PODN: variants seen among roughly 807,000 people sequenced by gnomAD.
PODN encodes the protein podocan, also known as podocan proteoglycan.
In PODN, 40 loss-of-function variants were observed where a neutral mutation model predicts 52.7. The observed-to-expected ratio is 0.76, with a 90% confidence interval of 0.59 to 0.99. The LOEUF is 0.99. Ranked by LOEUF, PODN falls within the 50% of genes least tolerant of loss-of-function variation. PODN has a pLI of 0.00. For missense variants in PODN, 720 were observed against 815.1 expected (o/e 0.88, Z 1.42); for synonymous variants, 396 against 377.9 (o/e 1.05, Z -0.56).
chr1:53,077,805 G>A lies in PODN; in HGVS notation c.854+5G>A, dbSNP rs752330868. 4 of 1,612,160 alleles carry A rather than the reference G, an allele frequency of 2.5e-6. No individual in the cohort carries two copies. Among genetic ancestry groups the A allele is most frequent in the Non-Finnish European group, 2.5e-6 (3 of 1,179,192 alleles). On this transcript the variant is annotated splice_donor_5th_base_variant and intron_variant, in intron 7 of 10. Coordinates refer to ENST00000312553, the MANE Select transcript of PODN (RefSeq NM_153703.5). The stretch of plus-strand genomic sequence containing the variant: ...CCTGGACAACGAGACCTTCTGGTGA[G>A]TCCTTGTCTCACCAGGTCCTTGGCG...
chr1:53,070,221 T>C, intron 2 of PODN, 54 bp downstream of exon 2: 1 of 1,588,864 alleles, frequency 6.3e-7, no homozygotes, highest in Admixed American at 1.8e-5. Flanking sequence ...CACCCTTGGT[T>C]CCCATCCCAG....
At chr1:53,065,172 G>A (rs915016139) in intron 1 of PODN, among the ~76,000 whole-genome samples, 1 of 152,188 alleles carries the variant, frequency 6.6e-6, no homozygotes, top group African/African-American at 2.4e-5. Flanking sequence ...GGGCAACATA[G>A]TGAGACCCCA....
At chr1:53,068,469 C>T (rs1035839887) in intron 1 of PODN, among the ~76,000 whole-genome samples, 2 of 152,220 alleles carry the variant, frequency 1.3e-5, no homozygotes, top group African/African-American at 4.8e-5. Context: ...CCCTGCTGCT[C>T]ACTTAGTGCA....
chr1:53,082,600 G>T (rs1404680882), intron 10 of PODN, among the ~76,000 whole-genome samples: 1 of 152,206 alleles, frequency 6.6e-6, no homozygotes, highest in Non-Finnish European at 1.5e-5. Flanking sequence ...AGTTAGGAAA[G>T]GAGGTAGGAA....
intron 2 of PODN, among the ~76,000 whole-genome samples, chr1:53,070,755 G>A (rs1315813266): frequency 6.6e-6 from 1 of 152,266 alleles, no homozygotes. Flanking sequence ...CCTGGTGCGG[G>A]AGAGTGACTT....
At chr1:53,077,581 CCTTCCTGGTGG>C in intron 6 of PODN, 93 bp from the exon 7 acceptor site, 1 of 1,241,162 alleles carries the variant, frequency 8.1e-7, no homozygotes, top group South Asian at 1.4e-5. Flanking sequence ...GGTCTGGGTG[CCTTCCTGGTGG>C]CTTCCCAGAC....
chr1:53,080,642 T>C (rs1362240140), intron 8 of PODN, 86 bp from the exon 9 acceptor site: 5 of 1,421,942 alleles, frequency 3.5e-6, no homozygotes, highest in East Asian at 4.6e-5. Flanking sequence ...TAGATTTAGA[T>C]AGGCTGGGGG....
At chr1:53,076,976 C>T (rs111398354) in intron 5 of PODN, among the ~76,000 whole-genome samples, 2 of 152,196 alleles carry the variant, frequency 1.3e-5, no homozygotes, top group East Asian at 1.9e-4. Flanking sequence ...CTATTTCTCC[C>T]GCTAGCTTAT....
rs934219571 is a variant in PODN, at chr1:53,063,550, G to A, written c.-56+1242G>A. On this transcript the variant is annotated intron_variant, in intron 1 of 10. Coordinates refer to ENST00000312553, the MANE Select transcript of PODN (RefSeq NM_153703.5). ...AGGCCGGCTGATCTGCAGGCGCACAGCATTCCGAGGTAGGTCACTCAGAAG... is the reference window on the plus strand; with the variant it reads ...AGGCCGGCTGATCTGCAGGCGCACAACATTCCGAGGTAGGTCACTCAGAAG... 5.0e-5 allele frequency: 49 copies of A among 985,460 alleles called. No individual in the cohort carries two copies. The African/African-American group carries it at 8.6e-4, about 17-fold the overall frequency. 61.0% of individuals were successfully genotyped at this position (985,460 alleles called of 1,614,324 possible).
Position 53,078,403 on chromosome 1 carries a change from A to G in PODN, c.893A>G (p.Asn298Ser). ...CTGGAGTACCTGGATCTGTCCAGCA[A>G]CAACCTGTCTCGGGTCCCAGCTGGG... ...SSLEYLDLSS[N>S]NLSRVPAGLP... Residue 298 changes from asparagine to serine, a missense_variant, in exon 8 of 11, where the codon AAC becomes AGC. Asn to Ser is a conservative substitution (Grantham distance 46, BLOSUM62 1). Coordinates refer to ENST00000312553, the MANE Select transcript of PODN (RefSeq NM_153703.5). The G allele has an allele frequency of 1.2e-6, 2 of 1,613,542 alleles. No homozygotes were observed. Among genetic ancestry groups the G allele is most frequent in the Non-Finnish European group, 8.5e-7 (1 of 1,180,016 alleles).
At position 53,077,756 on chromosome 1, in the gene PODN, G is replaced by T. The variant is rs1005993851; in HGVS notation, c.810G>T (p.Gln270His). The change falls in exon 7 of 11, where the codon CAG becomes CAT. Residue 270 changes from glutamine to histidine, a missense_variant. By Grantham distance (24) the Gln-to-His change is conservative. Transcript: ENST00000312553. The part of the protein sequence containing the change: ...ELSSLRELYL[Q>H]NNYLTDEGLD... ...GCAGCCTGCGCGAGCTATACCTGCA[G>T]AACAACTACCTGACTGACGAGGGCC... 3.7e-6 allele frequency: 6 copies of T among 1,613,648 alleles called. No individual in the cohort carries two copies. The highest frequency in any genetic ancestry group is 5.1e-6 in the Non-Finnish European group (6 of 1,180,004).
intron 5 of PODN, 88 bp downstream of exon 5, chr1:53,076,059 G>A: frequency 1.7e-6 from 2 of 1,167,992 alleles, no homozygotes; most frequent in Non-Finnish European, 2.5e-6. Context: ...GCAGAGACAG[G>A]TCCCGAAGGA....
At chr1:53,083,235 A>T (rs1003735554) in intron 10 of PODN, among the ~76,000 whole-genome samples, 2 of 152,118 alleles carry the variant, frequency 1.3e-5, no homozygotes, top group African/African-American at 4.8e-5. Context: ...ATGGAGTGTG[A>T]AGTTCAGGAA....
At chr1:53,077,900 C>T (rs941681649) in intron 7 of PODN, 100 bp downstream of exon 7, 1 of 865,798 alleles carries the variant, frequency 1.2e-6, no homozygotes, top group Non-Finnish European at 1.8e-6. Context: ...ACGCACGTCC[C>T]CTGCCCACCT....
Position 53,074,524 on chromosome 1 carries a change from G to C in PODN, c.407-82G>C, listed in dbSNP as rs532741516. ...GCCTCCCTAGTCCTGGCAGGCGGGT[G>C]GGGGAGGAGGGTGGGCGCTTGCTGT... On this transcript the variant is annotated intron_variant, in intron 3 of 10. Transcript: ENST00000312553. 41 of 1,519,210 alleles carry C rather than the reference G, an allele frequency of 2.7e-5. No individual in the cohort carries two copies. In the African/African-American group the frequency reaches 3.8e-4, roughly 14 times the overall value. 94.1% of individuals were successfully genotyped at this position (1,519,210 alleles called of 1,614,324 possible).
chr1:53,065,140 G>A (rs558265112), intron 1 of PODN, among the ~76,000 whole-genome samples: 5 of 152,178 alleles, frequency 3.3e-5, no homozygotes, highest in Admixed American at 6.5e-5. Flanking sequence ...GAGGCAGAAG[G>A]CCAGAAGTTC....
rs754941529 is a variant in PODN, at chr1:53,078,801, C to T, written c.1291C>T (p.Leu431=). Residue 431 remains leucine, a synonymous_variant, in exon 8 of 11, where the codon CTG becomes TTG. Coordinates refer to ENST00000312553, the MANE Select transcript of PODN (RefSeq NM_153703.5). The part of the protein sequence containing the change: ...VHRDAFRKLR[L]LRSLDLSGNR... Reference sequence around the variant, plus strand: ...CCGCGACGCCTTCCGCAAGCTGCGCCTGCTGCGCTCGCTGGACCTGTCGGG... The same window carrying T: ...CCGCGACGCCTTCCGCAAGCTGCGCTTGCTGCGCTCGCTGGACCTGTCGGG... The T allele has an allele frequency of 2.3e-5, 37 of 1,613,016 alleles. No homozygotes were observed. Among genetic ancestry groups the T allele is most frequent in the Non-Finnish European group, 2.5e-5 (29 of 1,179,876 alleles).
chr1:53,067,074 A>T (rs146871475), intron 1 of PODN, among the ~76,000 whole-genome samples: 1 of 152,256 alleles, frequency 6.6e-6, no homozygotes, highest in East Asian at 1.9e-4. Context: ...GATGGTCTGT[A>T]GACTGATGTT....
In PODN at chr1:53,075,917, C is replaced by G; in HGVS notation, c.527C>G (p.Ala176Gly). 1 of 1,606,492 alleles carries G rather than the reference C, an allele frequency of 6.2e-7. No individual in the cohort carries two copies. Among genetic ancestry groups the G allele is most frequent in the Non-Finnish European group, 8.5e-7 (1 of 1,175,800 alleles). Residue 176 changes from alanine (A) to glycine (G), a missense_variant, in exon 5 of 11, where the codon GCC becomes GGC. Transcript: ENST00000312553. Reference sequence around the variant, plus strand: ...GCCCTGATCAGTGTGGACTTTGCTGCCAACTATCTCACCAAGATCTATGGG... The same window carrying G: ...GCCCTGATCAGTGTGGACTTTGCTGGCAACTATCTCACCAAGATCTATGGG... Reference protein sequence around the residue: ...PNALISVDFAANYLTKIYGLT... With the variant: ...PNALISVDFAGNYLTKIYGLT...
Sources: allele counts gnomAD v4.1 joint callset (sites outside exome capture counted in the v4.1 genomes callset), GRCh38; gene constraint gnomAD v4.1.1; transcripts MANE v1.5; gene names NCBI Gene and HGNC (gene_info 2026-07-23, HGNC 2026-07-21).